SCLT1: variants seen among roughly 807,000 people sequenced by gnomAD.
SCLT1 encodes sodium channel and clathrin linker 1.
In SCLT1, 78 loss-of-function variants were observed where a neutral mutation model predicts 112.8. That is an observed-to-expected ratio of 0.69 (90% CI 0.58 to 0.83). The LOEUF is 0.83. Among genes scored for constraint, SCLT1 ranks in the 40% least tolerant of loss-of-function variants. The pLI is 0.00. For synonymous variants in SCLT1, 257 were observed against 254.7 expected (o/e 1.01, Z -0.09); for missense variants, 747 against 770.4 (o/e 0.97, Z 0.36).
rs116184716 is a variant in SCLT1, at chr4:129,020,696, G to A, written c.291-16820C>T. Among the ~76,000 whole-genome samples, 410 of 152,258 alleles carry A rather than the reference G, an allele frequency of 2.7e-3. 1 individual carries two copies. The highest frequency in any genetic ancestry group is 8.9e-3 in the African/African-American group (369 of 41,550). ...TTCCCAGTTCTAGTTAAAATTCCAC[G>A]TATATACTTATCATATATTCCTTAT... On this transcript the variant is annotated intron_variant, in intron 5 of 20. Coordinates refer to ENST00000281142, the MANE Select transcript of SCLT1 (RefSeq NM_144643.4).
chr4:129,086,535 T>C (rs1407371616), intron 1 of SCLT1, among the ~76,000 whole-genome samples: 1 of 152,156 alleles, frequency 6.6e-6, no homozygotes, highest in Non-Finnish European at 1.5e-5. Flanking sequence ...TCTGTTAACC[T>C]TGACTTTGTG....
At chr4:128,964,619 T>G (rs1193931604) in intron 11 of SCLT1, among the ~76,000 whole-genome samples, 1 of 152,236 alleles carries the variant, frequency 6.6e-6, no homozygotes, top group Non-Finnish European at 1.5e-5. Flanking sequence ...TCCTAAAAAA[T>G]AGTTTTTAAA....
chr4:129,003,944 C>G, intron 5 of SCLT1, 68 bp from the exon 6 acceptor site: 1 of 1,399,894 alleles, frequency 7.1e-7, no homozygotes, highest in Non-Finnish European at 9.9e-7. Flanking sequence ...GTTTCGAGGT[C>G]AATTAAACAT....
chr4:128,943,063 T>C lies in SCLT1; in HGVS notation c.1565A>G (p.Gln522Arg), dbSNP rs748526821. ...QRLKLQQENK[Q>R]LRKETESLRK... ...TAAACTCTCAGTCTCTTTCCGTAAC[T>C]GTTTATTTTCTTGCTGAAGTTTTAG... Residue 522 changes from glutamine (Q) to arginine (R), a missense_variant, in exon 17 of 21, where the codon CAG becomes CGG. Coordinates refer to ENST00000281142, the MANE Select transcript of SCLT1 (RefSeq NM_144643.4). 2.5e-6 allele frequency: 4 copies of C among 1,613,426 alleles called. No homozygotes were observed. In the East Asian group the frequency reaches 8.9e-5, roughly 36 times the overall value.
intron 5 of SCLT1, among the ~76,000 whole-genome samples, chr4:129,029,480 G>A (rs1197542046): frequency 6.7e-6 from 1 of 150,000 alleles, no homozygotes; most frequent in Non-Finnish European, 1.5e-5. Context: ...TGAACAATGA[G>A]AACACATGGA....
intron 2 of SCLT1, among the ~76,000 whole-genome samples, chr4:129,073,102 T>C (rs931172232): frequency 6.6e-6 from 1 of 152,184 alleles, no homozygotes; most frequent in Non-Finnish European, 1.5e-5. Flanking sequence ...GCAAGTCTAC[T>C]AGGCTCTGGG....
intron 2 of SCLT1, among the ~76,000 whole-genome samples, chr4:129,052,503 T>A (rs1277318858): frequency 6.6e-6 from 1 of 152,084 alleles, no homozygotes; most frequent in Non-Finnish European, 1.5e-5. Flanking sequence ...TTTTCAATTT[T>A]TTTTTTTGTA....
At chr4:128,929,333 G>A (rs190476480) in intron 18 of SCLT1, among the ~76,000 whole-genome samples, 91 of 152,228 alleles carry the variant, frequency 6.0e-4, no homozygotes, top group African/African-American at 2.0e-3. Flanking sequence ...GTTATTTCAC[G>A]TCCATAGATT....
intron 7 of SCLT1, among the ~76,000 whole-genome samples, chr4:128,998,274 C>A (rs1404418319): frequency 6.6e-6 from 1 of 151,736 alleles, no homozygotes; most frequent in Non-Finnish European, 1.5e-5. Context: ...GCTAGAGAGA[C>A]CTTGTCCAAT....
At chr4:128,965,402 G>T in intron 10 of SCLT1, 84 bp from the exon 11 acceptor site, 1 of 829,816 alleles carries the variant, frequency 1.2e-6, no homozygotes, top group Non-Finnish European at 2.0e-6. Context: ...AACAGCTCAT[G>T]CTATAAAGTT....
intron 14 of SCLT1, among the ~76,000 whole-genome samples, chr4:128,950,711 T>C (rs151010633): frequency 6.6e-6 from 1 of 152,208 alleles, no homozygotes; most frequent in East Asian, 1.9e-4. Context: ...GTGTAAATCC[T>C]CATGTATTTA....
chr4:128,884,933 C>T (rs1392932271), intron 20 of SCLT1, among the ~76,000 whole-genome samples: 1 of 152,220 alleles, frequency 6.6e-6, no homozygotes, highest in Admixed American at 6.5e-5. Flanking sequence ...GTGTAAGCCA[C>T]TGTGCCCAGT....
chr4:129,021,383 A>C (rs1402462424), intron 5 of SCLT1, among the ~76,000 whole-genome samples: 1 of 152,206 alleles, frequency 6.6e-6, no homozygotes, highest in Non-Finnish European at 1.5e-5. Flanking sequence ...CAGGGAGCCA[A>C]GTGGTCTTGC....
At chr4:129,008,427 T>C (rs1209133349) in intron 5 of SCLT1, among the ~76,000 whole-genome samples, 1 of 152,206 alleles carries the variant, frequency 6.6e-6, no homozygotes, top group Non-Finnish European at 1.5e-5. Flanking sequence ...TAATCTCTGT[T>C]GTGAGAATTT....
At chr4:128,913,368 C>T (rs1284775556) in intron 18 of SCLT1, among the ~76,000 whole-genome samples, 1 of 152,148 alleles carries the variant, frequency 6.6e-6, no homozygotes, top group African/African-American at 2.4e-5. Flanking sequence ...CTTCTGATTG[C>T]TTCTCTTTTC....
At chr4:129,084,745 C>T (rs890521281) in intron 1 of SCLT1, among the ~76,000 whole-genome samples, 2 of 152,136 alleles carry the variant, frequency 1.3e-5, no homozygotes, top group African/African-American at 2.4e-5. Flanking sequence ...TGATCTTCAA[C>T]AAACCTGACA....
downstream of SCLT1, among the ~76,000 whole-genome samples, chr4:128,883,565 A>T (rs1263820592): frequency 6.6e-6 from 1 of 152,136 alleles, no homozygotes; most frequent in Non-Finnish European, 1.5e-5. Context: ...TAATAATAAT[A>T]AAAAAAGATT....
Position 129,093,119 on chromosome 4 carries a change from G to A in SCLT1, c.-16C>T. ...CTGCAGCCATTTCGATACAATTTTA[G>A]TTTAGAGCTTTCACCACCTTTACCT... On this transcript the variant is annotated 5_prime_UTR_variant, in exon 1 of 21. Transcript: ENST00000281142. The A allele has an allele frequency of 6.2e-7, 1 of 1,612,644 alleles. No individual in the cohort carries two copies. Among genetic ancestry groups the A allele is most frequent in the East Asian group, 2.2e-5 (1 of 44,872 alleles).
At chr4:128,974,751 T>C (rs1457627606) in intron 9 of SCLT1, among the ~76,000 whole-genome samples, 2 of 152,162 alleles carry the variant, frequency 1.3e-5, no homozygotes, top group Non-Finnish European at 2.9e-5. Context: ...ATTATGTTTA[T>C]ACTATTTACA....
Sources: gnomAD v4.1 joint callset for allele counts (sites outside exome capture counted in the v4.1 genomes callset) on GRCh38, gnomAD v4.1.1 for gene constraint, MANE v1.5 for transcripts, NCBI Gene and HGNC (gene_info 2026-07-23, HGNC 2026-07-21) for gene names.